Variants in TPCN2 observed in about 807,000 individuals in gnomAD.
The protein encoded by TPCN2 is two pore channel protein 2.
Under a neutral mutation model 111.4 loss-of-function variants are expected in TPCN2, and 92 were observed. The ratio of observed to expected loss-of-function variants is 0.83; its 90% confidence interval spans 0.70 to 0.98. The LOEUF is 0.98. Ranked by LOEUF, TPCN2 falls within the 50% of genes least tolerant of loss-of-function variation. The pLI, the probability that TPCN2 is intolerant of heterozygous loss-of-function variation, is 0.00. For synonymous variants in TPCN2, 405 were observed against 414.5 expected (o/e 0.98, Z 0.28); for missense variants, 995 against 980.1 (o/e 1.02, Z -0.20).
chr11:69,065,262 C>A (rs10750839), intron 7 of TPCN2, among the ~76,000 whole-genome samples: 1 of 152,002 alleles, frequency 6.6e-6, no homozygotes, highest in African/African-American at 2.4e-5. Context: ...TCCAGTGACC[C>A]CTGCAGTAGC....
Position 69,048,961 on chromosome 11 carries a change from A to G in TPCN2, c.-37A>G. 8.2e-7 allele frequency: 1 copy of G among 1,214,590 alleles called. No homozygotes were observed. The highest frequency in any genetic ancestry group is 3.2e-5 in the East Asian group (1 of 31,548). The allele number at this position is 1,214,590 out of a possible 1,614,324, so 75.2% of individuals were successfully genotyped here. On this transcript the variant is annotated 5_prime_UTR_variant, in exon 1 of 25. Transcript: ENST00000294309. The stretch of plus-strand genomic sequence containing the variant: ...TGAAGCTGGGCGCCTTCGGGGCTTG[A>G]GCTTCTGAGGGTCGGGTCCAGCGCG...
At chr11:69,052,838 G>A (rs1018268202) in intron 1 of TPCN2, among the ~76,000 whole-genome samples, 1 of 152,240 alleles carries the variant, frequency 6.6e-6, no homozygotes, top group Non-Finnish European at 1.5e-5. Context: ...TGGTGCAGCT[G>A]TGGGCCCCAA....
At chr11:69,054,682 T>C (rs763929533) in intron 2 of TPCN2, 39 bp from the exon 3 acceptor site, 4 of 1,600,584 alleles carry the variant, frequency 2.5e-6, no homozygotes, top group Non-Finnish European at 3.4e-6. Flanking sequence ...CCACCCTGCA[T>C]GCACCCATGT....
rs1565096562 is a variant in TPCN2 at position 69,085,860 on chromosome 11, ACTCTGTG to A, written c.1934_1940del (p.Thr645ArgfsTer3). The A allele has an allele frequency of 6.2e-7, 1 of 1,613,862 alleles. No homozygotes were observed. The highest frequency in any genetic ancestry group is 8.5e-7 in the Non-Finnish European group (1 of 1,179,924). On this transcript the variant is annotated frameshift_variant, in exon 22 of 25. Transcript: ENST00000294309. LOFTEE classifies it high-confidence loss of function. ...TCTGCCCCCGCAGGCTGCCCTGGTC[ACTCTGTG>A]GAACTTGATGGTGGTGAACAACTGG...
intron 8 of TPCN2, among the ~76,000 whole-genome samples, chr11:69,070,009 T>C (rs1284183364): frequency 6.7e-6 from 1 of 148,252 alleles, no homozygotes; most frequent in East Asian, 2.0e-4. Flanking sequence ...TCCTTTTCTT[T>C]CTTTTTTTCT....
rs553963875 is a variant in TPCN2, at chr11:69,064,068, C to T, written c.726+101C>T. 2.6e-4 allele frequency: 303 copies of T among 1,174,234 alleles called. 3 individuals carry two copies. The East Asian group carries it at 6.1e-3, about 24-fold the overall frequency. 72.7% of individuals were successfully genotyped at this position (1,174,234 alleles called of 1,614,324 possible). A position where few individuals can be genotyped will look rare whatever the true frequency, so the allele number is the denominator to read the frequency against. ...CTGCTGCCCTGGCCTAACCCATGTG[C>T]GGACTCTGTCCAGTAATAGCAGTGG... is the stretch of plus-strand genomic sequence containing the variant. On this transcript the variant is annotated intron_variant, in intron 7 of 24. Coordinates refer to ENST00000294309, the MANE Select transcript of TPCN2 (RefSeq NM_139075.4).
At chr11:69,079,753 A>G (rs1487612759) in intron 16 of TPCN2, 81 bp from the exon 17 acceptor site, 1 of 1,340,560 alleles carries the variant, frequency 7.5e-7, no homozygotes, top group Non-Finnish European at 1.1e-6. Context: ...TGTGTTAGAG[A>G]TGAGCTTTAT....
intron 13 of TPCN2, among the ~76,000 whole-genome samples, chr11:69,073,903 C>T (rs1855643284): frequency 6.6e-6 from 1 of 152,210 alleles, no homozygotes; most frequent in Admixed American, 6.5e-5. Context: ...CGCCTTCTCC[C>T]TGTATCCTCA....
intron 17 of TPCN2, among the ~76,000 whole-genome samples, chr11:69,080,095 G>A (rs1309982679): frequency 6.6e-6 from 1 of 152,238 alleles, no homozygotes; most frequent in Non-Finnish European, 1.5e-5. Flanking sequence ...CCAGAAGCTG[G>A]CACCCCGCAG....
Position 69,070,852 on chromosome 11 carries a change from C to T in TPCN2, c.895+357C>T, listed in dbSNP as rs371023697. 3.3e-4 allele frequency among the ~76,000 whole-genome samples: 48 copies of T among 144,154 alleles called. 2 individuals carry two copies. In the South Asian group the frequency reaches 9.1e-3, roughly 27 times the overall value. 94.6% of individuals were successfully genotyped at this position (144,154 alleles called of 152,430 possible). On this transcript the variant is annotated intron_variant, in intron 9 of 24. Coordinates refer to ENST00000294309, the MANE Select transcript of TPCN2 (RefSeq NM_139075.4). ...CCACCAGCAGCTTCACCCCAGGGATCCCTCACCAACAGCTTCACCCCAGGG... is the reference window on the plus strand; with the variant it reads ...CCACCAGCAGCTTCACCCCAGGGATTCCTCACCAACAGCTTCACCCCAGGG...
chr11:69,086,070 C>T (rs1443518213), intron 22 of TPCN2, 140 bp downstream of exon 22: 12 of 807,464 alleles, frequency 1.5e-5, no homozygotes, highest in East Asian at 5.3e-5. Flanking sequence ...AGTCGGCCAG[C>T]GTGGCATCCT....
chr11:69,076,978 T>TGTCCCTCCACCTGCACTCCTGCCAC (rs1855798721), intron 13 of TPCN2, among the ~76,000 whole-genome samples: 1 of 87,718 alleles, frequency 1.1e-5, no homozygotes, highest in Non-Finnish European at 2.3e-5. Context: ...CCTCCTGCCA[T>TGTCCCTCCACCTGCACTCCTGCCAC]GTCCCTCCAC....
chr11:69,086,621 C>T lies in TPCN2; in HGVS notation c.2085+17C>T, dbSNP rs755744295. ...ATTCTGGAGGTATCAGAGATCCCCACCCAGGCTGTTCTCCATGGTCGTTTG... is the reference window on the plus strand; with the variant it reads ...ATTCTGGAGGTATCAGAGATCCCCATCCAGGCTGTTCTCCATGGTCGTTTG... On this transcript the variant is annotated intron_variant, in intron 23 of 24. Coordinates refer to ENST00000294309, the MANE Select transcript of TPCN2 (RefSeq NM_139075.4). 1 of 1,611,650 alleles carries T rather than the reference C, an allele frequency of 6.2e-7. No homozygotes were observed. Among genetic ancestry groups the T allele is most frequent in the South Asian group, 1.1e-5 (1 of 91,038 alleles).
intron 7 of TPCN2, 63 bp from the exon 8 acceptor site, chr11:69,067,440 C>G: frequency 6.7e-7 from 1 of 1,489,036 alleles, no homozygotes; most frequent in Non-Finnish European, 9.3e-7. Context: ...GGTCCGGGGC[C>G]TGGAGCTCAG....
Position 69,054,070 on chromosome 11 carries a change from T to C in TPCN2, c.147T>C (p.Ala49=), listed in dbSNP as rs780634894. The C allele has an allele frequency of 6.2e-6, 10 of 1,613,748 alleles. No individual in the cohort carries two copies. The African/African-American group carries it at 1.1e-4, about 17-fold the overall frequency. ...AARWDLCIDQ[A]VVFIEDAIQY... ...GGTGGGACCTCTGCATTGATCAGGC[T>C]GTGGTCTTCATCGAAGATGCTATTC... is the stretch of plus-strand genomic sequence containing the variant. The change falls in exon 2 of 25, where the codon GCT becomes GCC. Residue 49 remains alanine, a synonymous_variant. Transcript: ENST00000294309.
intron 17 of TPCN2, among the ~76,000 whole-genome samples, chr11:69,081,097 C>T (rs1272664815): frequency 3.3e-5 from 5 of 152,100 alleles, no homozygotes; most frequent in East Asian, 3.9e-4. Flanking sequence ...CATGCCCTCC[C>T]GTGTGGACAG....
intron 11 of TPCN2, among the ~76,000 whole-genome samples, 165 bp from the exon 12 acceptor site, chr11:69,072,462 A>G (rs142504762): frequency 8.9e-4 from 134 of 150,986 alleles, no homozygotes; most frequent in African/African-American, 3.0e-3. Context: ...TCTCGGGGGG[A>G]CGGCAGTGGC....
chr11:69,054,148 G>T (rs7947882), intron 2 of TPCN2, 51 bp downstream of exon 2: 2 of 1,523,748 alleles, frequency 1.3e-6, no homozygotes, highest in Non-Finnish European at 9.0e-7. Context: ...GCCGCCCTCC[G>T]ATTGGCTCGC....
chr11:69,057,980 C>T (rs551846007), intron 5 of TPCN2, among the ~76,000 whole-genome samples: 1 of 152,228 alleles, frequency 6.6e-6, no homozygotes, highest in African/African-American at 2.4e-5. Flanking sequence ...CCTCCCGGCT[C>T]TCCGCTCTCT....
Sources: gnomAD v4.1 joint callset for allele counts (sites outside exome capture counted in the v4.1 genomes callset) on GRCh38, gnomAD v4.1.1 for gene constraint, MANE v1.5 for transcripts, NCBI Gene and HGNC (gene_info 2026-07-23, HGNC 2026-07-21) for gene names.